SPECC1: variants seen among roughly 807,000 people sequenced by gnomAD.
The protein encoded by SPECC1 is cytospin-B.
SPECC1 carries 62 observed loss-of-function variants against 104.1 expected under a neutral mutation model. That is an observed-to-expected ratio of 0.60 (90% CI 0.49 to 0.74). The LOEUF (loss-of-function observed/expected upper bound fraction) is 0.74, where lower values mean the gene tolerates loss of function less well. Among genes scored for constraint, SPECC1 ranks in the 30% least tolerant of loss-of-function variants. The probability of loss-of-function intolerance (pLI) is 0.00; values close to 1 mark genes in which losing one functional copy is unlikely to be tolerated. For synonymous variants in SPECC1, 513 were observed against 501.6 expected (o/e 1.02, Z -0.30); for missense variants, 1,306 against 1,310.5 (o/e 1.00, Z 0.05).
chr17:20,192,525 A>G (rs2035743969), intron 3 of SPECC1, among the ~76,000 whole-genome samples: 1 of 152,040 alleles, frequency 6.6e-6, no homozygotes, highest in Non-Finnish European at 1.5e-5. Context: ...TATTGCTTTT[A>G]GTAATGTATT....
At position 20,318,903 on chromosome 17, in the gene SPECC1, G is replaced by A; in HGVS notation, c.*4838G>A. Reference sequence around the variant, plus strand: ...ATCTGTGGCCTCGTGTCTATAAAGAGCACACTAGATTGTACCCAGCACTTT... The same window carrying A: ...ATCTGTGGCCTCGTGTCTATAAAGAACACACTAGATTGTACCCAGCACTTT... On this transcript the variant is annotated 3_prime_UTR_variant, in exon 15 of 15. Transcript: ENST00000395527. The A allele has an allele frequency of 5.2e-6, 1 of 193,468 alleles. No homozygotes were observed. The highest frequency in any genetic ancestry group is 1.1e-5 in the Non-Finnish European group (1 of 93,468). 12.0% of individuals were successfully genotyped at this position (193,468 alleles called of 1,614,324 possible). A position where few individuals can be genotyped will look rare whatever the true frequency, so the allele number is the denominator to read the frequency against.
At chr17:20,029,775 G>GCCCAGA (rs1253192037) in intron 1 of SPECC1, among the ~76,000 whole-genome samples, 9 of 152,056 alleles carry the variant, frequency 5.9e-5, no homozygotes, top group Non-Finnish European at 1.3e-4. Context: ...TCTGATTCTA[G>GCCCAGA]TAATTTGAGT....
chr17:20,222,812 T>G (rs2037966368), intron 4 of SPECC1, among the ~76,000 whole-genome samples: 1 of 152,228 alleles, frequency 6.6e-6, no homozygotes, highest in Non-Finnish European at 1.5e-5. Flanking sequence ...ATGAAATTTC[T>G]TAGGTTTTGT....
intron 5 of SPECC1, among the ~76,000 whole-genome samples, chr17:20,228,887 C>G (rs2038397027): frequency 6.6e-6 from 1 of 152,210 alleles, no homozygotes; most frequent in Admixed American, 6.5e-5. Context: ...AGCATTTAGT[C>G]ACACCAGCCA....
At chr17:20,217,280 TG>T (rs775669640) in intron 4 of SPECC1, among the ~76,000 whole-genome samples, 1,560 of 128,970 alleles carry the variant, frequency 0.012, 31 homozygotes, top group African/African-American at 0.04. Flanking sequence ...TGTGTGTGTG[TG>T]TTTTTTTTTT....
In SPECC1 at chr17:20,204,814, C is replaced by CGATAA; in HGVS notation, c.765_766insGATAA (p.Tyr256AspfsTer26). 6.2e-7 allele frequency: 1 copy of CGATAA among 1,614,084 alleles called. No homozygotes were observed. Among genetic ancestry groups the CGATAA allele is most frequent in the Admixed American group, 1.7e-5 (1 of 60,020 alleles). On this transcript the variant is annotated frameshift_variant, in exon 4 of 15. Coordinates refer to ENST00000395527, the MANE Select transcript of SPECC1 (RefSeq NM_001243439.2). LOFTEE classifies it high-confidence loss of function. ...ACCGGGTCCTGAAGGAGAAACTGAT[C>CGATAA]TATCTTGAGCACTCCCCAAATTCAG... is the stretch of plus-strand genomic sequence containing the variant.
In SPECC1 at chr17:20,110,153, A is replaced by T. The variant is rs551291802; in HGVS notation, c.148-274A>T. ...TGCCCAGCCACATTTTTTAAGGCTC[A>T]TTACTTGAAGTGTGACCTGATGGTA... On this transcript the variant is annotated intron_variant, in intron 2 of 14. Transcript: ENST00000395527. 7.2e-5 allele frequency among the ~76,000 whole-genome samples: 11 copies of T among 152,308 alleles called. No individual in the cohort carries two copies. The South Asian group carries it at 2.3e-3, about 32-fold the overall frequency.
chr17:20,021,178 A>AAG (rs1160408969), intron 1 of SPECC1, among the ~76,000 whole-genome samples: 32 of 152,194 alleles, frequency 2.1e-4, no homozygotes, highest in African/African-American at 6.0e-4. Flanking sequence ...GAGGAGGAAG[A>AAG]AGAGGGGTTG....
chr17:20,217,358 G>A (rs1384119768), intron 4 of SPECC1, among the ~76,000 whole-genome samples: 3 of 151,756 alleles, frequency 2.0e-5, no homozygotes, highest in Admixed American at 2.0e-4. Context: ...CAAGAAGGAT[G>A]TAGTGATGTG....
intron 7 of SPECC1, chr17:20,238,065 C>A: frequency 2.9e-6 from 3 of 1,024,122 alleles, no homozygotes; most frequent in Non-Finnish European, 3.5e-6. Flanking sequence ...CTTGATTGAG[C>A]CCCTTCACTT....
At chr17:20,226,732 T>G (rs1299419347) in intron 4 of SPECC1, among the ~76,000 whole-genome samples, 1 of 152,226 alleles carries the variant, frequency 6.6e-6, no homozygotes, top group African/African-American at 2.4e-5. Flanking sequence ...ACTTTTCTGC[T>G]TCTGTGTATG....
At chr17:20,175,578 C>T (rs568511925) in intron 3 of SPECC1, among the ~76,000 whole-genome samples, 1 of 152,158 alleles carries the variant, frequency 6.6e-6, no homozygotes, top group Non-Finnish European at 1.5e-5. Flanking sequence ...TGCTAGTGAT[C>T]ATTATTTTGC....
At chr17:20,050,219 T>C (rs1271517552) in intron 1 of SPECC1, among the ~76,000 whole-genome samples, 4 of 152,200 alleles carry the variant, frequency 2.6e-5, no homozygotes, top group Admixed American at 2.6e-4. Context: ...AACTTAAAAC[T>C]ATAATTAAAA....
At chr17:20,111,652 C>CGGGTG (rs1343468498) in intron 3 of SPECC1, among the ~76,000 whole-genome samples, 1 of 152,026 alleles carries the variant, frequency 6.6e-6, no homozygotes, top group Non-Finnish European at 1.5e-5. Flanking sequence ...AGCCGAGTCC[C>CGGGTG]GGGTGTGGGA....
intron 3 of SPECC1, chr17:20,155,832 C>A: frequency 2.4e-6 from 2 of 828,894 alleles, no homozygotes; most frequent in Non-Finnish European, 3.0e-6. Flanking sequence ...TGCGTCCCGC[C>A]CACGGCGCGG....
intron 1 of SPECC1, among the ~76,000 whole-genome samples, chr17:20,015,484 G>A (rs1413448658): frequency 6.6e-6 from 1 of 151,056 alleles, no homozygotes; most frequent in Non-Finnish European, 1.5e-5. Flanking sequence ...GGTTTTGCAG[G>A]TCACCAATCT....
At chr17:20,206,720 T>A (rs182247863) in intron 4 of SPECC1, among the ~76,000 whole-genome samples, 139 of 152,300 alleles carry the variant, frequency 9.1e-4, no homozygotes, top group African/African-American at 3.2e-3. Context: ...TCCTAGACGA[T>A]GACTTACCGA....
At chr17:20,312,128 A>T (rs1439549728) in intron 14 of SPECC1, among the ~76,000 whole-genome samples, 2 of 152,204 alleles carry the variant, frequency 1.3e-5, no homozygotes, top group South Asian at 4.1e-4. Context: ...GGATCCTGGA[A>T]TGAGTTGGGA....
chr17:20,239,981 C>T lies in SPECC1; in HGVS notation c.2352-5945C>T, dbSNP rs973746168. ...CAGTCATGGCTCACTGCAGCCTCAA[C>T]CTCCTGGACTTGAGCAGTCCTCCCA... On this transcript the variant is annotated intron_variant, in intron 7 of 14. Coordinates refer to ENST00000395527, the MANE Select transcript of SPECC1 (RefSeq NM_001243439.2). Among the ~76,000 whole-genome samples the T allele has an allele frequency of 2.1e-5, 3 of 141,838 alleles. No individual in the cohort carries two copies. The South Asian group carries it at 7.0e-4, about 33-fold the overall frequency. 93.1% of individuals were successfully genotyped at this position (141,838 alleles called of 152,430 possible).
Sources: allele counts gnomAD v4.1 joint callset (sites outside exome capture counted in the v4.1 genomes callset), GRCh38; gene constraint gnomAD v4.1.1; transcripts MANE v1.5; gene names NCBI Gene and HGNC (gene_info 2026-07-23, HGNC 2026-07-21).